Variants in TRHDE observed in about 807,000 individuals in gnomAD.
The protein encoded by TRHDE is thyrotropin-releasing hormone-degrading ectoenzyme.
In TRHDE, 72 loss-of-function variants were observed where a neutral mutation model predicts 125.7. The ratio of observed to expected loss-of-function variants is 0.57; its 90% CI spans 0.47 to 0.70. The LOEUF is 0.70. Ranked by LOEUF, TRHDE falls within the 30% of genes least tolerant of loss-of-function variation. TRHDE has a pLI of 0.00. For synonymous variants in TRHDE, 509 were observed against 509.1 expected (o/e 1.00, Z 0.00); for missense variants, 1,110 against 1,327.1 (o/e 0.84, Z 2.54).
intron 12 of TRHDE, among the ~76,000 whole-genome samples, chr12:72,597,738 T>C (rs1454482389): frequency 0.038 from 338 of 8,930 alleles, 26 homozygotes; most frequent in Non-Finnish European, 0.065. Flanking sequence ...TATATATATA[T>C]ATATATATAT....
chr12:72,087,510 T>A (rs994229703), intron 1 of TRHDE: 2 of 152,180 alleles, frequency 1.3e-5, no homozygotes, highest in African/African-American at 2.4e-5. Flanking sequence ...CATCTATTCC[T>A]CTGGGACAGA....
At chr12:72,188,100 A>G (rs1431031644) in intron 2 of TRHDE, among the ~76,000 whole-genome samples, 1 of 152,244 alleles carries the variant, frequency 6.6e-6, no homozygotes, top group Non-Finnish European at 1.5e-5. Flanking sequence ...CTCTTCAACA[A>G]AGCAACCATA....
At chr12:72,395,264 C>G (rs561439797) in intron 3 of TRHDE, among the ~76,000 whole-genome samples, 1 of 152,170 alleles carries the variant, frequency 6.6e-6, no homozygotes, top group East Asian at 1.9e-4. Context: ...CTCTATCATC[C>G]TTATTGGTGG....
intron 6 of TRHDE, among the ~76,000 whole-genome samples, chr12:72,535,065 T>A (rs1325710212): frequency 6.6e-6 from 1 of 152,036 alleles, no homozygotes; most frequent in Non-Finnish European, 1.5e-5. Flanking sequence ...ATGATGATAG[T>A]GATGATGAAG....
intron 7 of TRHDE, among the ~76,000 whole-genome samples, chr12:72,552,480 T>C (rs1869724240): frequency 6.6e-6 from 1 of 152,010 alleles, no homozygotes; most frequent in Non-Finnish European, 1.5e-5. Context: ...CTGTAACAAC[T>C]GGAGGTTAAG....
intron 3 of TRHDE, among the ~76,000 whole-genome samples, chr12:72,385,983 A>G (rs1872393779): frequency 6.6e-6 from 1 of 152,222 alleles, no homozygotes; most frequent in African/African-American, 2.4e-5. Flanking sequence ...TTTATTGAGT[A>G]GTAACTACGT....
At chr12:72,213,204 G>A (rs1877818882) in intron 2 of TRHDE, among the ~76,000 whole-genome samples, 2 of 152,078 alleles carry the variant, frequency 1.3e-5, no homozygotes, top group Admixed American at 6.6e-5. Flanking sequence ...GGAGTGTATT[G>A]AGAGTGACTG....
intron 6 of TRHDE, among the ~76,000 whole-genome samples, chr12:72,534,841 A>C (rs1203861681): frequency 6.6e-6 from 1 of 151,962 alleles, no homozygotes; most frequent in Non-Finnish European, 1.5e-5. Flanking sequence ...TAACATTGCA[A>C]CTGATATAAA....
intron 2 of TRHDE, among the ~76,000 whole-genome samples, chr12:72,373,498 A>T (rs1871717028): frequency 6.6e-6 from 1 of 152,180 alleles, no homozygotes; most frequent in Admixed American, 6.6e-5. Context: ...TTGAGCTAAT[A>T]GATAAAAATC....
At chr12:72,112,527 C>A (rs149115299) in intron 2 of TRHDE, among the ~76,000 whole-genome samples, 2,473 of 152,198 alleles carry the variant, frequency 0.016, 34 homozygotes, top group Middle Eastern at 0.037. Context: ...TAGGTACCAC[C>A]TATTAAATAA....
chr12:72,134,317 A>G (rs866067020), intron 2 of TRHDE, among the ~76,000 whole-genome samples: 4 of 152,060 alleles, frequency 2.6e-5, no homozygotes, highest in African/African-American at 9.7e-5. Flanking sequence ...GAATCGCTCT[A>G]TTGCCCCGGC....
rs1420307884 is a variant in TRHDE, at chr12:72,669,598, G to A, written c.*6403G>A. On this transcript the variant is annotated 3_prime_UTR_variant, in exon 19 of 19. Coordinates refer to ENST00000261180, the MANE Select transcript of TRHDE (RefSeq NM_013381.3). ...CTACTATGTTCACAGTATTGCATTT[G>A]CTCTTGTAAACAATTTTGTTCCCAC... 1 of 151,738 alleles carries A rather than the reference G, an allele frequency of 6.6e-6. No homozygotes were observed. The highest frequency in any genetic ancestry group is 1.5e-5 in the Non-Finnish European group (1 of 67,810). 9.4% of individuals were successfully genotyped at this position (151,738 alleles called of 1,614,324 possible).
At chr12:72,520,377 G>A (rs1879129850) in intron 6 of TRHDE, among the ~76,000 whole-genome samples, 1 of 152,202 alleles carries the variant, frequency 6.6e-6, no homozygotes, top group Admixed American at 6.5e-5. Flanking sequence ...GAAAAGCGCA[G>A]TATTCGGGTG....
intron 12 of TRHDE, among the ~76,000 whole-genome samples, chr12:72,595,701 AACTT>A (rs1402487375): frequency 6.6e-6 from 1 of 152,186 alleles, no homozygotes; most frequent in Non-Finnish European, 1.5e-5. Flanking sequence ...GCAAGTTACT[AACTT>A]CTCTTATGCT....
At chr12:72,384,925 G>A (rs923322980) in intron 3 of TRHDE, among the ~76,000 whole-genome samples, 7 of 151,926 alleles carry the variant, frequency 4.6e-5, no homozygotes, top group African/African-American at 1.7e-4. Flanking sequence ...TATCCTCTGT[G>A]GTTATGTGTT....
intron 2 of TRHDE, among the ~76,000 whole-genome samples, chr12:72,336,435 C>T (rs1442207731): frequency 1.3e-5 from 2 of 152,198 alleles, no homozygotes; most frequent in African/African-American, 2.4e-5. Context: ...TTTGCTTTCT[C>T]TGTGCCTTTC....
chr12:72,514,907 G>A (rs1009413964), intron 6 of TRHDE, among the ~76,000 whole-genome samples: 11 of 147,640 alleles, frequency 7.5e-5, no homozygotes, highest in African/African-American at 1.3e-4. Flanking sequence ...TTGTTCTTGC[G>A]ATAGTTTACT....
chr12:72,389,579 C>T (rs1392022532), intron 3 of TRHDE, among the ~76,000 whole-genome samples: 5 of 152,174 alleles, frequency 3.3e-5, no homozygotes, highest in African/African-American at 1.2e-4. Context: ...TTGCAGATGG[C>T]AGCCTCCTTG....
chr12:72,125,453 C>G lies in TRHDE; in HGVS notation n.279+19701C>G, dbSNP rs1467415809. 3.9e-5 allele frequency among the ~76,000 whole-genome samples: 6 copies of G among 152,066 alleles called. No homozygotes were observed. In the East Asian group the frequency reaches 5.8e-4, roughly 15 times the overall value. ...GTTGGTTATATTTTTGGTATTAGGA[C>G]AAGTGAACATCACCAGGCAAGAACT... On this transcript the variant is annotated intron_variant and non_coding_transcript_variant, in intron 2 of 4. Transcript: ENST00000548156.
Sources: allele counts gnomAD v4.1 joint callset (sites outside exome capture counted in the v4.1 genomes callset), GRCh38; gene constraint gnomAD v4.1.1; transcripts MANE v1.5; gene names NCBI Gene and HGNC (gene_info 2026-07-23, HGNC 2026-07-21).